Variants in BTBD9 observed in about 807,000 individuals in gnomAD.
BTBD9 encodes BTB domain containing 9, also known as BTB/POZ domain-containing protein 9.
A neutral mutation model predicts 64.3 loss-of-function variants in BTBD9; 49 were observed. That is an observed-to-expected ratio of 0.76 (90% confidence interval 0.61 to 0.97). The LOEUF (loss-of-function observed/expected upper bound fraction) is 0.97, where lower values mean the gene tolerates loss of function less well. Ranked by LOEUF, BTBD9 falls within the 50% of genes least tolerant of loss-of-function variation. BTBD9 has a pLI of 0.00. For synonymous variants in BTBD9, 260 were observed against 274.7 expected (o/e 0.95, Z 0.53); for missense variants, 598 against 762.1 (o/e 0.78, Z 2.53).
chr6:38,181,686 C>T (rs1761561193), intron 10 of BTBD9, among the ~76,000 whole-genome samples: 1 of 152,164 alleles, frequency 6.6e-6, no homozygotes, highest in African/African-American at 2.4e-5. Context: ...AACAGCCCAA[C>T]ACATTGTTTT....
chr6:38,280,433 C>T (rs149811040), intron 8 of BTBD9, among the ~76,000 whole-genome samples: 5 of 152,246 alleles, frequency 3.3e-5, no homozygotes, highest in African/African-American at 9.6e-5. Flanking sequence ...CTGTGACAGA[C>T]GACATTCAGC....
chr6:38,192,195 C>A (rs1489235468), intron 10 of BTBD9, among the ~76,000 whole-genome samples: 1 of 152,158 alleles, frequency 6.6e-6, no homozygotes. Flanking sequence ...AAACCTCATA[C>A]AACTGCTGTC....
At chr6:38,366,397 AC>A (rs1443076898) in intron 6 of BTBD9, among the ~76,000 whole-genome samples, 12 of 152,194 alleles carry the variant, frequency 7.9e-5, no homozygotes, top group African/African-American at 2.9e-4. Flanking sequence ...ATCTGGAGTC[AC>A]CAAGAAACCA....
chr6:38,312,862 T>C (rs976190158), intron 7 of BTBD9, among the ~76,000 whole-genome samples: 1 of 152,230 alleles, frequency 6.6e-6, no homozygotes, highest in Non-Finnish European at 1.5e-5. Context: ...TTTGTTCTTT[T>C]TGTTCAGGAC....
chr6:38,558,136 T>C (rs1214476138), intron 6 of BTBD9, among the ~76,000 whole-genome samples: 1 of 152,090 alleles, frequency 6.6e-6, no homozygotes, highest in Non-Finnish European at 1.5e-5. Context: ...TGGTGGTATG[T>C]GCCTGCAGTC....
At chr6:38,303,874 T>TATATATATATACACAC (rs368257334) in intron 7 of BTBD9, among the ~76,000 whole-genome samples, 5 of 82,650 alleles carry the variant, frequency 6.0e-5, no homozygotes, top group African/African-American at 9.6e-5. Flanking sequence ...TATATATATA[T>TATATATATATACACAC]ACACACACAC....
chr6:38,540,837 T>TA (rs1554167595), intron 6 of BTBD9, among the ~76,000 whole-genome samples: 2 of 152,220 alleles, frequency 1.3e-5, no homozygotes, highest in East Asian at 3.8e-4. Flanking sequence ...ATAAATTTTT[T>TA]AAAAACATAA....
At chr6:38,239,438 CAAAA>C (rs750690746) in intron 9 of BTBD9, among the ~76,000 whole-genome samples, 79 of 59,052 alleles carry the variant, frequency 1.3e-3, no homozygotes, top group African/African-American at 4.5e-3. Context: ...GACTCTGTCT[CAAAA>C]AAAAAAAAAA....
At chr6:38,592,875 T>C (rs1345642687) in intron 3 of BTBD9, 35 bp from the exon 4 acceptor site, 2 of 1,605,780 alleles carry the variant, frequency 1.2e-6, no homozygotes, top group Non-Finnish European at 8.5e-7. Flanking sequence ...TCCAGTTATA[T>C]GAAGTTCAAC....
At chr6:38,268,287 T>C (rs1765083748) in intron 8 of BTBD9, among the ~76,000 whole-genome samples, 1 of 152,204 alleles carries the variant, frequency 6.6e-6, no homozygotes, top group African/African-American at 2.4e-5. Flanking sequence ...ACGCACAGCC[T>C]ACAATGCACC....
intron 9 of BTBD9, among the ~76,000 whole-genome samples, chr6:38,237,473 T>C (rs1055571706): frequency 6.6e-6 from 1 of 152,230 alleles, no homozygotes; most frequent in African/African-American, 2.4e-5. Context: ...GAAGGCCACC[T>C]GTGTGGAGAT....
intron 6 of BTBD9, among the ~76,000 whole-genome samples, chr6:38,411,315 T>C (rs1053382202): frequency 5.9e-5 from 9 of 152,314 alleles, no homozygotes; most frequent in African/African-American, 2.2e-4. Context: ...AAAGCCTCTA[T>C]AAATAAAATA....
chr6:38,633,055 T>G (rs1214888996), intron 1 of BTBD9, among the ~76,000 whole-genome samples: 1 of 152,206 alleles, frequency 6.6e-6, no homozygotes, highest in Non-Finnish European at 1.5e-5. Flanking sequence ...GAATCAGCAC[T>G]GGGGCCATTA....
intron 6 of BTBD9, among the ~76,000 whole-genome samples, chr6:38,442,396 G>A (rs1018828173): frequency 6.6e-6 from 1 of 152,086 alleles, no homozygotes; most frequent in East Asian, 1.9e-4. Context: ...CTTGAACCTG[G>A]GAGGCGGAGG....
chr6:38,391,633 CTTT>C (rs11350619), intron 6 of BTBD9, among the ~76,000 whole-genome samples: 13 of 141,168 alleles, frequency 9.2e-5, no homozygotes, highest in African/African-American at 1.5e-4. Context: ...GCTTGTTTTT[CTTT>C]TTTTTTTTTT....
chr6:38,620,520 T>C (rs1034385115), intron 1 of BTBD9, among the ~76,000 whole-genome samples: 1 of 152,164 alleles, frequency 6.6e-6, no homozygotes, highest in East Asian at 1.9e-4. Flanking sequence ...GGCACTCTGG[T>C]CCTTCAGTAT....
chr6:38,588,188 AC>A, intron 4 of BTBD9: 1 of 799,594 alleles, frequency 1.3e-6, no homozygotes, highest in Non-Finnish European at 2.3e-6. Flanking sequence ...ACTCCAAACA[AC>A]CTCAGCAGTT....
At chr6:38,317,878 A>C (rs994941803) in intron 7 of BTBD9, among the ~76,000 whole-genome samples, 7 of 149,232 alleles carry the variant, frequency 4.7e-5, no homozygotes, top group African/African-American at 1.7e-4. Flanking sequence ...AATGTATCTG[A>C]TAGGATTCTG....
At chr6:38,372,846 T>C (rs528170661) in intron 6 of BTBD9, among the ~76,000 whole-genome samples, 1 of 152,350 alleles carries the variant, frequency 6.6e-6, no homozygotes, top group South Asian at 2.1e-4. Context: ...ATATGTGCCA[T>C]GAACATGTAT....
Sources: gnomAD v4.1 joint callset for allele counts (sites outside exome capture counted in the v4.1 genomes callset) on GRCh38, gnomAD v4.1.1 for gene constraint, MANE v1.5 for transcripts, NCBI Gene and HGNC (gene_info 2026-07-23, HGNC 2026-07-21) for gene names.